The following TRPM3 variants were observed in gnomAD, a reference collection of about 807,000 sequenced individuals.
TRPM3 encodes the protein transient receptor potential cation channel subfamily M member 3, also known as long transient receptor potential channel 3.
In TRPM3, 77 loss-of-function variants were observed where a neutral mutation model predicts 181.2. That is an observed-to-expected ratio of 0.42 (90% CI 0.35 to 0.51). The LOEUF is 0.51. Ranked by LOEUF, TRPM3 falls within the 20% of genes least tolerant of loss-of-function variation. The pLI is 0.01. For synonymous variants in TRPM3, 745 were observed against 796.4 expected, an observed-to-expected ratio of 0.94 and a Z score of 1.09; for missense variants, 1,759 against 2,196.7, an observed-to-expected ratio of 0.80 and a Z score of 3.98.
Position 71,014,887 on chromosome 9 carries a change from A to C in TRPM3, c.177+106291T>G, listed in dbSNP as rs143778926. 1.9e-3 allele frequency among the ~76,000 whole-genome samples: 283 copies of C among 152,198 alleles called. 1 individual carries two copies. The highest frequency in any genetic ancestry group is 6.5e-3 in the African/African-American group (272 of 41,560). ...ACTTTGTGATATTATTTTATGCTAT[A>C]CTTATTGGTAATTTGATGATTTACT... On this transcript the variant is annotated intron_variant, in intron 1 of 25. Transcript: ENST00000677713.
At chr9:70,783,556 G>C (rs963487295) in intron 7 of TRPM3, among the ~76,000 whole-genome samples, 1 of 152,140 alleles carries the variant, frequency 6.6e-6, no homozygotes, top group East Asian at 1.9e-4. Flanking sequence ...GGCATGAGGG[G>C]TTCAACAGGA....
intron 1 of TRPM3, among the ~76,000 whole-genome samples, chr9:71,352,016 C>A (rs2091665516): frequency 6.6e-6 from 1 of 151,926 alleles, no homozygotes; most frequent in South Asian, 2.1e-4. Context: ...GCTGGGACTA[C>A]AGGCACCCGC....
intron 9 of TRPM3, among the ~76,000 whole-genome samples, chr9:70,655,589 G>A (rs1243975985): frequency 6.6e-6 from 1 of 152,088 alleles, no homozygotes; most frequent in Non-Finnish European, 1.5e-5. Flanking sequence ...GGATCTTTGT[G>A]TGCGTGATTA....
chr9:71,343,454 T>A (rs955676867), intron 1 of TRPM3, among the ~76,000 whole-genome samples: 73 of 152,070 alleles, frequency 4.8e-4, no homozygotes, highest in Non-Finnish European at 9.1e-4. Context: ...CTGGGGTTAC[T>A]TTATGTATAT....
rs185461769 is a variant in TRPM3, at chr9:70,595,963, G to A, written c.3048+2456C>T. Among the ~76,000 whole-genome samples, 95 of 152,252 alleles carry A rather than the reference G, an allele frequency of 6.2e-4. 1 individual carries two copies. In the East Asian group the frequency reaches 0.016, roughly 25 times the overall value. On this transcript the variant is annotated intron_variant, in intron 21 of 25. Coordinates refer to ENST00000677713, the MANE Select transcript of TRPM3 (RefSeq NM_001366145.2). ...TTTGGTGATATTTGTCCTAAACAATGCTGGTGTTATAAATACCATTTGTAC... is the reference window on the plus strand; with the variant it reads ...TTTGGTGATATTTGTCCTAAACAATACTGGTGTTATAAATACCATTTGTAC...
chr9:71,240,890 T>C (rs557577316), intron 1 of TRPM3, among the ~76,000 whole-genome samples: 63 of 152,280 alleles, frequency 4.1e-4, no homozygotes, highest in Non-Finnish European at 7.5e-4. Context: ...TTGAACTCTT[T>C]TGGCTCCTTG....
chr9:71,182,404 C>T (rs543398788), intron 1 of TRPM3, among the ~76,000 whole-genome samples: 3 of 152,152 alleles, frequency 2.0e-5, no homozygotes, highest in African/African-American at 7.2e-5. Flanking sequence ...TGAAAGGAAC[C>T]CAAGTTCCTT....
At chr9:70,958,943 G>A (rs2097108146) in intron 1 of TRPM3, among the ~76,000 whole-genome samples, 1 of 146,778 alleles carries the variant, frequency 6.8e-6, no homozygotes, top group Non-Finnish European at 1.5e-5. Context: ...TCATAGATGG[G>A]AATTGAACAA....
At chr9:70,882,549 T>G (rs1299828397) in intron 1 of TRPM3, among the ~76,000 whole-genome samples, 1 of 152,158 alleles carries the variant, frequency 6.6e-6, no homozygotes, top group African/African-American at 2.4e-5. Flanking sequence ...GTACTTTATT[T>G]TTTTCAGAAT....
intron 1 of TRPM3, among the ~76,000 whole-genome samples, chr9:70,897,963 A>G (rs1291365266): frequency 6.6e-6 from 1 of 152,162 alleles, no homozygotes; most frequent in African/African-American, 2.4e-5. Flanking sequence ...CAACTAAAGC[A>G]TTAACTCCAA....
At chr9:71,232,210 A>C (rs2131910638) in intron 1 of TRPM3, among the ~76,000 whole-genome samples, 1 of 152,254 alleles carries the variant, frequency 6.6e-6, no homozygotes, top group Non-Finnish European at 1.5e-5. Flanking sequence ...CCAATCTAGC[A>C]ATGGGCTGGC....
At chr9:70,694,125 G>C (rs184119721) in intron 8 of TRPM3, among the ~76,000 whole-genome samples, 192 of 152,288 alleles carry the variant, frequency 1.3e-3, no homozygotes, top group Middle Eastern at 3.4e-3. Context: ...TGTTTTGGAA[G>C]AAAACATCCA....
chr9:70,587,106 T>C (rs1445135815), intron 22 of TRPM3, among the ~76,000 whole-genome samples: 1 of 151,660 alleles, frequency 6.6e-6, no homozygotes, highest in Non-Finnish European at 1.5e-5. Flanking sequence ...TAATTTTAGA[T>C]GGAAAAGCCC....
intron 1 of TRPM3, among the ~76,000 whole-genome samples, chr9:71,104,594 T>A (rs2069099190): frequency 6.6e-6 from 1 of 152,196 alleles, no homozygotes; most frequent in Non-Finnish European, 1.5e-5. Flanking sequence ...TACTGAAGAT[T>A]AAACAACGTA....
intron 1 of TRPM3, among the ~76,000 whole-genome samples, chr9:71,399,152 G>C (rs1242075209): frequency 6.6e-6 from 1 of 151,906 alleles, no homozygotes; most frequent in Non-Finnish European, 1.5e-5. Context: ...CAACCTAATG[G>C]TACAAAATAG....
chr9:70,881,529 T>C (rs2095993285), intron 1 of TRPM3, among the ~76,000 whole-genome samples: 1 of 152,212 alleles, frequency 6.6e-6, no homozygotes, highest in African/African-American at 2.4e-5. Context: ...AATGTGATTT[T>C]GCAAAGGATT....
chr9:71,267,524 GC>G (rs1457266496), intron 1 of TRPM3, among the ~76,000 whole-genome samples: 3 of 151,868 alleles, frequency 2.0e-5, no homozygotes, highest in African/African-American at 7.3e-5. Context: ...TTATCCCCAG[GC>G]CACAAAGATT....
At chr9:71,006,408 TA>T (rs143203808) in intron 1 of TRPM3, among the ~76,000 whole-genome samples, 55 of 147,968 alleles carry the variant, frequency 3.7e-4, no homozygotes, top group African/African-American at 1.2e-3. Context: ...CTGAATGGAT[TA>T]AAAAAAAAAC....
At chr9:71,300,737 A>ACAACTGTGTAAGCAAT (rs1297153409) in intron 1 of TRPM3, among the ~76,000 whole-genome samples, 28 of 152,222 alleles carry the variant, frequency 1.8e-4, no homozygotes, top group African/African-American at 5.5e-4. Flanking sequence ...TTTTTTTCTT[A>ACAACTGTGTAAGCAAT]CAACTGTGTA....
Sources: allele counts gnomAD v4.1 joint callset (sites outside exome capture counted in the v4.1 genomes callset), GRCh38; gene constraint gnomAD v4.1.1; transcripts MANE v1.5; gene names NCBI Gene and HGNC (gene_info 2026-07-23, HGNC 2026-07-21).